SLC24A2: variants seen among roughly 807,000 people sequenced by gnomAD.
SLC24A2 encodes solute carrier family 24 member 2.
In SLC24A2, 36 loss-of-function variants were observed where a neutral mutation model predicts 62.0. That is an observed-to-expected ratio of 0.58 (90% confidence interval 0.44 to 0.77). The LOEUF is 0.77. Ranked by LOEUF, SLC24A2 falls within the 30% of genes least tolerant of loss-of-function variation. SLC24A2 has a pLI of 0.00. For synonymous variants in SLC24A2, 358 were observed against 294.0 expected (o/e 1.22, Z -2.23); for missense variants, 846 against 817.9 (o/e 1.03, Z -0.42).
At chr9:19,873,788 A>G in the SLC24A2 span, among the ~76,000 whole-genome samples, 1 of 152,130 alleles carries the variant, frequency 6.6e-6, no homozygotes, top group Non-Finnish European at 1.5e-5. Context: ...AGTATATTAC[A>G]CAGCTCTGAA....
chr9:20,128,882 G>A, the SLC24A2 span, among the ~76,000 whole-genome samples: 1 of 151,972 alleles, frequency 6.6e-6, no homozygotes, highest in Non-Finnish European at 1.5e-5. Context: ...TTTGGATTTA[G>A]CAAAGGACTC....
At chr9:19,584,980 T>A (rs1160913920) in intron 5 of SLC24A2, among the ~76,000 whole-genome samples, 1 of 152,158 alleles carries the variant, frequency 6.6e-6, no homozygotes, top group Admixed American at 6.5e-5. Flanking sequence ...TAACGACATT[T>A]AATTATATTA....
chr9:19,983,078 C>A, the SLC24A2 span, among the ~76,000 whole-genome samples: 2 of 152,154 alleles, frequency 1.3e-5, no homozygotes. Flanking sequence ...ATATCAAAAG[C>A]TTGCCCCCTA....
chr9:20,277,699 A>G, the SLC24A2 span, among the ~76,000 whole-genome samples: 5 of 152,304 alleles, frequency 3.3e-5, no homozygotes, highest in South Asian at 8.3e-4. Context: ...GGGATCTAGA[A>G]CTAGAAATAC....
chr9:20,103,109 T>A, the SLC24A2 span, among the ~76,000 whole-genome samples: 1 of 152,180 alleles, frequency 6.6e-6, no homozygotes, highest in Non-Finnish European at 1.5e-5. Flanking sequence ...CAAAGCAGTC[T>A]GAGATCAAAC....
chr9:19,794,335 A>C, the SLC24A2 span, among the ~76,000 whole-genome samples: 1 of 152,202 alleles, frequency 6.6e-6, no homozygotes. Flanking sequence ...TATTATCCTA[A>C]GTGAATTAAT....
At chr9:20,162,368 C>T in the SLC24A2 span, among the ~76,000 whole-genome samples, 2 of 151,664 alleles carry the variant, frequency 1.3e-5, no homozygotes, top group African/African-American at 2.4e-5. Context: ...AAGTTCTAAA[C>T]TTGTATGAAG....
intron 2 of SLC24A2, among the ~76,000 whole-genome samples, chr9:19,669,358 C>T (rs1819347788): frequency 6.6e-6 from 1 of 152,046 alleles, no homozygotes; most frequent in African/African-American, 2.4e-5. Context: ...CAGAACCCAG[C>T]AATACTAACG....
chr9:20,171,959 T>C, the SLC24A2 span, among the ~76,000 whole-genome samples: 5 of 152,028 alleles, frequency 3.3e-5, no homozygotes, highest in Non-Finnish European at 7.4e-5. Flanking sequence ...GACCATATGA[T>C]AGGCCACAGT....
chr9:19,906,853 A>G, the SLC24A2 span, among the ~76,000 whole-genome samples: 1 of 152,246 alleles, frequency 6.6e-6, no homozygotes, highest in Admixed American at 6.5e-5. Flanking sequence ...CAACCAAAAA[A>G]AGTCCAGGAC....
At chr9:19,556,548 C>A (rs1835095523) in intron 7 of SLC24A2, among the ~76,000 whole-genome samples, 1 of 152,124 alleles carries the variant, frequency 6.6e-6, no homozygotes, top group Non-Finnish European at 1.5e-5. Context: ...ATCACCAGTT[C>A]ACAAGGAGCA....
At chr9:19,888,749 T>G in the SLC24A2 span, among the ~76,000 whole-genome samples, 3 of 152,202 alleles carry the variant, frequency 2.0e-5, no homozygotes, top group Non-Finnish European at 2.9e-5. Flanking sequence ...CCTCGGTGTC[T>G]AGTCGTGGCC....
At chr9:19,934,239 A>G in the SLC24A2 span, among the ~76,000 whole-genome samples, 1 of 152,186 alleles carries the variant, frequency 6.6e-6, no homozygotes, top group Non-Finnish European at 1.5e-5. This position sits in a 1 kb window ranked among gnomAD's most constrained non-coding sequence, Gnocchi z 4.1. Flanking sequence ...TTATTAGGGC[A>G]GTTTCCAAGA....
chr9:19,718,284 C>CTTTTTTTTTTTTTTTTTTT (rs71335446), intron 2 of SLC24A2, among the ~76,000 whole-genome samples: 1 of 55,714 alleles, frequency 1.8e-5, no homozygotes, highest in African/African-American at 8.5e-5. Flanking sequence ...TGATTTAACA[C>CTTTTTTTTTTTTTTTTTTT]TTTTTTTTTT....
chr9:20,227,298 T>G, the SLC24A2 span, among the ~76,000 whole-genome samples: 1 of 152,160 alleles, frequency 6.6e-6, no homozygotes, highest in African/African-American at 2.4e-5. Flanking sequence ...GTTTCTTTGG[T>G]ATGTGATGGT....
At chr9:19,915,467 G>A in the SLC24A2 span, among the ~76,000 whole-genome samples, 1 of 151,986 alleles carries the variant, frequency 6.6e-6, no homozygotes, top group Admixed American at 6.6e-5. Flanking sequence ...GAATTGTAGG[G>A]TCATACGGCA....
the SLC24A2 span, among the ~76,000 whole-genome samples, chr9:20,282,047 G>A: frequency 6.6e-6 from 1 of 152,168 alleles, no homozygotes; most frequent in African/African-American, 2.4e-5. Context: ...TTAGCAGCCT[G>A]AGCTTTATTG....
chr9:19,673,068 G>A (rs2118331901), intron 2 of SLC24A2, among the ~76,000 whole-genome samples: 1 of 146,508 alleles, frequency 6.8e-6, no homozygotes, highest in Middle Eastern at 3.5e-3. Flanking sequence ...CCAGGGTATA[G>A]TTTAAATCCA....
At chr9:20,262,265 T>G in the SLC24A2 span, among the ~76,000 whole-genome samples, 1 of 152,180 alleles carries the variant, frequency 6.6e-6, no homozygotes, top group Non-Finnish European at 1.5e-5. Context: ...GAACATGGTT[T>G]GAATCTTTGT....
Sources: allele counts gnomAD v4.1 joint callset (sites outside exome capture counted in the v4.1 genomes callset), GRCh38; gene constraint gnomAD v4.1.1; non-coding constraint Gnocchi (gnomAD v3.1); transcripts MANE v1.5; gene names NCBI Gene and HGNC (gene_info 2026-07-23, HGNC 2026-07-21).